Variants in PCDHGA4 observed in about 807,000 individuals in gnomAD.
The protein encoded by PCDHGA4 is protocadherin gamma-A4.
In PCDHGA4, 38 loss-of-function variants were observed where a neutral mutation model predicts 54.6. The observed-to-expected ratio is 0.70, with a 90% confidence interval of 0.54 to 0.91. The LOEUF is 0.91. Ranked by LOEUF, PCDHGA4 falls within the 40% of genes least tolerant of loss-of-function variation. The pLI is 0.00. For synonymous variants in PCDHGA4, 511 were observed against 512.9 expected, an observed-to-expected ratio of 1.00 and a Z score of 0.05; for missense variants, 1,298 against 1,220.9, an observed-to-expected ratio of 1.06 and a Z score of -0.94.
At chr5:141,360,144 G>C (rs1761438795) in intron 1 of PCDHGA4, 1 of 1,596,030 alleles carries the variant, frequency 6.3e-7, no homozygotes, top group African/African-American at 1.3e-5. Context: ...AGATGAAAGC[G>C]AGCTCAGGGA....
At chr5:141,427,879 C>T in intron 1 of PCDHGA4, 1 of 1,562,380 alleles carries the variant, frequency 6.4e-7, no homozygotes. Context: ...ACGATGCAGG[C>T]CCACGACCAG....
intron 1 of PCDHGA4, among the ~76,000 whole-genome samples, chr5:141,483,340 C>T (rs906468552): frequency 5.9e-5 from 9 of 152,036 alleles, no homozygotes; most frequent in Non-Finnish European, 1.2e-4. Flanking sequence ...GATCTTATCT[C>T]TTTGCAATAG....
chr5:141,494,943 G>A, intron 2 of PCDHGA4, 78 bp downstream of exon 2: 2 of 1,610,326 alleles, frequency 1.2e-6, no homozygotes, highest in Non-Finnish European at 1.7e-6. Flanking sequence ...ATGGGGGAGG[G>A]CCCAGCATTT....
Position 141,414,535 on chromosome 5 carries a change from C to T in PCDHGA4, c.2514+56914C>T, listed in dbSNP as rs2095756820. The T allele has an allele frequency of 6.2e-7, 1 of 1,613,962 alleles. No individual in the cohort carries two copies. On this transcript the variant is annotated intron_variant, in intron 1 of 3. Coordinates refer to ENST00000571252, the MANE Select transcript of PCDHGA4 (RefSeq NM_018917.4). The stretch of plus-strand genomic sequence containing the variant: ...AGTGGCAGATATCAATGACAACCCA[C>T]CTACCTTCTCTCAAGTCTCCTACTT...
In PCDHGA4 at chr5:141,487,930, G is replaced by T; in HGVS notation, c.2515-6877G>T. On this transcript the variant is annotated intron_variant, in intron 1 of 3. Coordinates refer to ENST00000571252, the MANE Select transcript of PCDHGA4 (RefSeq NM_018917.4). This position sits in a 1 kb window ranked among gnomAD's most constrained non-coding sequence, Gnocchi z 5.0. Reference sequence around the variant, plus strand: ...GAGCACAGGAGGCTACAGTGCACAGGGTACAGTGCACCAGGCAGTCACTTG... The same window carrying T: ...GAGCACAGGAGGCTACAGTGCACAGTGTACAGTGCACCAGGCAGTCACTTG... 2 of 613,220 alleles carry T rather than the reference G, an allele frequency of 3.3e-6. No homozygotes were observed. Among genetic ancestry groups the T allele is most frequent in the African/African-American group, 1.8e-5 (1 of 54,186 alleles). 38.0% of individuals were successfully genotyped at this position (613,220 alleles called of 1,614,324 possible).
intron 2 of PCDHGA4, among the ~76,000 whole-genome samples, chr5:141,501,306 C>T (rs1016823458): frequency 5.3e-5 from 8 of 151,412 alleles, no homozygotes; most frequent in Non-Finnish European, 8.8e-5. Context: ...CACACACACA[C>T]ACACACACAC....
intron 1 of PCDHGA4, among the ~76,000 whole-genome samples, chr5:141,465,091 G>A (rs1689517062): frequency 6.7e-6 from 1 of 149,016 alleles, no homozygotes; most frequent in Non-Finnish European, 1.5e-5. Context: ...CATTTTTCTA[G>A]TAGTTTTTTT....
intron 1 of PCDHGA4, among the ~76,000 whole-genome samples, chr5:141,445,738 T>G (rs553879167): frequency 9.9e-5 from 15 of 152,122 alleles, no homozygotes; most frequent in Non-Finnish European, 1.9e-4. Context: ...AAAGATCTTT[T>G]TAAAAAATAA....
chr5:141,438,635 T>C (rs1325567714), intron 1 of PCDHGA4, among the ~76,000 whole-genome samples: 9 of 33,420 alleles, frequency 2.7e-4, no homozygotes, highest in East Asian at 1.8e-3. Flanking sequence ...TATATATATA[T>C]ACACACACAC....
At chr5:141,472,980 C>CAAAAAAAAAA (rs60579131) in intron 1 of PCDHGA4, among the ~76,000 whole-genome samples, 34 of 85,838 alleles carry the variant, frequency 4.0e-4, no homozygotes, top group South Asian at 1.3e-3. Context: ...GAGTGAAACT[C>CAAAAAAAAAA]AAAAAAAAAA....
At chr5:141,448,850 C>A (rs1227646790) in intron 1 of PCDHGA4, among the ~76,000 whole-genome samples, 1 of 152,048 alleles carries the variant, frequency 6.6e-6, no homozygotes, top group Non-Finnish European at 1.5e-5. Context: ...GAGGCTGAGG[C>A]AGGAGAATGG....
chr5:141,415,873 G>A lies in PCDHGA4; in HGVS notation c.2514+58252G>A, dbSNP rs905638480. The A allele has an allele frequency of 9.6e-6, 10 of 1,046,220 alleles. No homozygotes were observed. In the East Asian group the frequency reaches 1.8e-4, roughly 19 times the overall value. The allele number at this position is 1,046,220 out of a possible 1,614,324, so 64.8% of individuals were successfully genotyped here. A position where few individuals can be genotyped will look rare whatever the true frequency, so the allele number is the denominator to read the frequency against. On this transcript the variant is annotated intron_variant, in intron 1 of 3. Transcript: ENST00000571252. ...ACCTTGTAGTTTATAGTGTTGTTGA[G>A]TACAATATTGACAATTCCTAAGACA...
At chr5:141,410,748 C>G in intron 1 of PCDHGA4, 1 of 1,245,396 alleles carries the variant, frequency 8.0e-7, no homozygotes, top group Non-Finnish European at 1.1e-6. Flanking sequence ...AATATTTTCT[C>G]AATGTTTTTT....
At chr5:141,428,010 G>A in intron 1 of PCDHGA4, 1 of 1,603,006 alleles carries the variant, frequency 6.2e-7, no homozygotes, top group Non-Finnish European at 8.5e-7. Flanking sequence ...CTTCGATATA[G>A]TGCCACGCGC....
rs761668802 is a variant in PCDHGA4, at chr5:141,362,348, G to C, written c.2514+4727G>C. ...GGTCTCAGCTCCAAGCCTGGACCTG[G>C]GGTTCTCCCCAATTACAGTGAGGGT... On this transcript the variant is annotated intron_variant, in intron 1 of 3. Transcript: ENST00000571252. 12 of 1,613,904 alleles carry C rather than the reference G, an allele frequency of 7.4e-6. No homozygotes were observed. The highest frequency in any genetic ancestry group is 1.3e-5 in the African/African-American group (1 of 74,934).
rs750910395 is a variant in PCDHGA4, at chr5:141,356,030, T to C, written c.923T>C (p.Val308Ala). The C allele has an allele frequency of 6.2e-7, 1 of 1,613,998 alleles. No individual in the cohort carries two copies. Among genetic ancestry groups the C allele is most frequent in the Admixed American group, 1.7e-5 (1 of 60,022 alleles). ...CCAGATGAAGGAGCCAATGGAGACGTGACGTATTCTTTCCGGAAAGTAAGA... is the reference window on the plus strand; with the variant it reads ...CCAGATGAAGGAGCCAATGGAGACGCGACGTATTCTTTCCGGAAAGTAAGA... ...TDPDEGANGDVTYSFRKVRDK... is the reference protein window; with the variant it reads ...TDPDEGANGDATYSFRKVRDK... Residue 308 changes from valine to alanine, a missense_variant, in exon 1 of 4, where the codon GTG (valine) becomes GCG (alanine). Val to Ala is a moderately conservative substitution (Grantham distance 64, BLOSUM62 0). Coordinates refer to ENST00000571252, the MANE Select transcript of PCDHGA4 (RefSeq NM_018917.4).
chr5:141,400,465 T>G (rs769092002), intron 1 of PCDHGA4: 2 of 1,614,060 alleles, frequency 1.2e-6, no homozygotes, highest in Admixed American at 1.7e-5. Context: ...TTGTGGTGAT[T>G]CATCTGGGGC....
At chr5:141,463,844 G>T (rs545618795) in intron 1 of PCDHGA4, among the ~76,000 whole-genome samples, 1 of 152,140 alleles carries the variant, frequency 6.6e-6, no homozygotes, top group African/African-American at 2.4e-5. Context: ...AGTTGTTATA[G>T]TGGTATATCT....
intron 3 of PCDHGA4, among the ~76,000 whole-genome samples, chr5:141,507,809 C>T (rs866898784): frequency 2.0e-5 from 3 of 152,206 alleles, no homozygotes; most frequent in Non-Finnish European, 2.9e-5. Flanking sequence ...CCCTGGGGAA[C>T]GGACCCTGGG....
Sources: allele counts gnomAD v4.1 joint callset (sites outside exome capture counted in the v4.1 genomes callset), GRCh38; gene constraint gnomAD v4.1.1; non-coding constraint Gnocchi (gnomAD v3.1); transcripts MANE v1.5; gene names NCBI Gene and HGNC (gene_info 2026-07-23, HGNC 2026-07-21).